GPRIN3: variants seen among roughly 807,000 people sequenced by gnomAD.
GPRIN3 encodes the protein G protein-regulated inducer of neurite outgrowth 3.
Under a neutral mutation model 13.7 loss-of-function variants are expected in GPRIN3, and 12 were observed. The observed-to-expected ratio is 0.87, with a 90% CI of 0.56 to 1.42. GPRIN3 has a LOEUF of 1.42. GPRIN3 is among the 40% of genes most tolerant of loss of function. The pLI, the probability that GPRIN3 is intolerant of heterozygous loss-of-function variation, is 0.00. For missense variants in GPRIN3, 1,009 were observed against 958.7 expected, an observed-to-expected ratio of 1.05 and a Z score of -0.69; for synonymous variants, 377 against 372.7, an observed-to-expected ratio of 1.01 and a Z score of -0.13.
In GPRIN3 at chr4:89,242,992, A is replaced by G. The variant is rs2149247733; in HGVS notation, c.*4788T>C. 6.6e-6 allele frequency: 1 copy of G among 152,230 alleles called. No homozygotes were observed. The highest frequency in any genetic ancestry group is 1.9e-4 in the East Asian group (1 of 5,174). The allele number at this position is 152,230 out of a possible 1,614,324, so 9.4% of individuals were successfully genotyped here. ...ACAGATGCACTGGATTTATTTTGAGAGAGGTTATTTTGTTGTGGCAAGTGA... is the reference window on the plus strand; with the variant it reads ...ACAGATGCACTGGATTTATTTTGAGGGAGGTTATTTTGTTGTGGCAAGTGA... On this transcript the variant is annotated 3_prime_UTR_variant, in exon 2 of 2. Transcript: ENST00000609438.
rs766718612 is a variant in GPRIN3, at chr4:89,248,174, T to C, written c.1937A>G (p.Lys646Arg). The C allele has an allele frequency of 2.5e-6, 4 of 1,614,126 alleles. No individual in the cohort carries two copies. Among genetic ancestry groups the C allele is most frequent in the Non-Finnish European group, 3.4e-6 (4 of 1,180,008 alleles). The change falls in exon 2 of 2, where the codon AAG becomes AGG. Residue 646 changes from lysine (K) to arginine (R), a missense_variant. Physicochemically the swap from Lys to Arg is conservative, Grantham distance 26 (BLOSUM62 2). Coordinates refer to ENST00000609438, the MANE Select transcript of GPRIN3 (RefSeq NM_198281.3). Reference protein sequence around the residue: ...SRVSEFLKEQKLNVTAAAAQV... With the variant: ...SRVSEFLKEQRLNVTAAAAQV... ...AGCAGCAGCTGCTGTCACATTTAAC[T>C]TTTGCTCCTTGAGGAACTCGCTGAC...
Position 89,246,498 on chromosome 4 carries a change from C to G in GPRIN3, c.*1282G>C, listed in dbSNP as rs541702910. 1.3e-3 allele frequency: 203 copies of G among 152,240 alleles called. No individual in the cohort carries two copies. Among genetic ancestry groups the G allele is most frequent in the African/African-American group, 4.7e-3 (196 of 41,522 alleles). The allele number at this position is 152,240 out of a possible 1,614,324, so 9.4% of individuals were successfully genotyped here. On this transcript the variant is annotated 3_prime_UTR_variant, in exon 2 of 2. Transcript: ENST00000609438. ...CTGGAGACACGGGAGGGCCAAGGTC[C>G]CAGGAAGTATAATCCACCCAAATCA...
intron 1 of GPRIN3, among the ~76,000 whole-genome samples, chr4:89,281,659 A>T (rs1022974030): frequency 1.3e-5 from 2 of 152,184 alleles, no homozygotes; most frequent in African/African-American, 4.8e-5. Context: ...CACTGGAAGG[A>T]ACTAACCCTG....
chr4:89,268,029 G>C (rs1385452916), intron 1 of GPRIN3, among the ~76,000 whole-genome samples: 1 of 152,204 alleles, frequency 6.6e-6, no homozygotes, highest in Non-Finnish European at 1.5e-5. Flanking sequence ...CTATTACTGG[G>C]AGACAACAAA....
At chr4:89,302,498 G>A (rs1436000256) in intron 1 of GPRIN3, among the ~76,000 whole-genome samples, 38 of 152,004 alleles carry the variant, frequency 2.5e-4, no homozygotes. Context: ...TTCAGATTAG[G>A]GTCATTTATA....
intron 1 of GPRIN3, among the ~76,000 whole-genome samples, chr4:89,261,346 C>T (rs1342937737): frequency 1.3e-5 from 2 of 152,106 alleles, no homozygotes; most frequent in African/African-American, 4.8e-5. Flanking sequence ...TCTGGGAGGA[C>T]GTAATTGTCC....
intron 1 of GPRIN3, among the ~76,000 whole-genome samples, chr4:89,258,800 G>T (rs544406388): frequency 2.0e-5 from 3 of 152,244 alleles, no homozygotes; most frequent in South Asian, 4.1e-4. Context: ...CTACGTCGGG[G>T]TAGTTTCTGA....
rs1298463883 is a variant in GPRIN3 at position 89,240,886 on chromosome 4, A to G, written c.*6894T>C. ...CTATTTACATTTTTATGTGTAGAAA[A>G]TGAAAAATATATATTGATTAGCCCT... On this transcript the variant is annotated 3_prime_UTR_variant, in exon 2 of 2. Transcript: ENST00000609438. The G allele has an allele frequency of 6.6e-6, 1 of 152,228 alleles. No homozygotes were observed. Among genetic ancestry groups the G allele is most frequent in the African/African-American group, 2.4e-5 (1 of 41,454 alleles). The allele number at this position is 152,228 out of a possible 1,614,324, so 9.4% of individuals were successfully genotyped here.
chr4:89,249,401 G>A lies in GPRIN3; in HGVS notation c.710C>T (p.Pro237Leu). The A allele has an allele frequency of 6.2e-7, 1 of 1,614,092 alleles. No individual in the cohort carries two copies. Among genetic ancestry groups the A allele is most frequent in the Non-Finnish European group, 8.5e-7 (1 of 1,180,018 alleles). Residue 237 changes from proline to leucine, a missense_variant, in exon 2 of 2, where the codon CCT (proline) becomes CTT (leucine). By Grantham distance (98) the Pro-to-Leu change is moderately conservative. Transcript: ENST00000609438. Reference protein sequence around the residue: ...ICDSEMRSCKPLTRESGCSEN... With the variant: ...ICDSEMRSCKLLTRESGCSEN... Reference sequence around the variant, plus strand: ...TGAACATCCAGATTCTCTAGTTAGAGGTTTACAGGACCTCATTTCAGAGTC... The same window carrying A: ...TGAACATCCAGATTCTCTAGTTAGAAGTTTACAGGACCTCATTTCAGAGTC...
chr4:89,261,341 G>A (rs1007283127), intron 1 of GPRIN3, among the ~76,000 whole-genome samples: 3 of 152,198 alleles, frequency 2.0e-5, no homozygotes, highest in African/African-American at 7.2e-5. Flanking sequence ...ACATTTCTGG[G>A]AGGACGTAAT....
At chr4:89,301,863 C>T (rs1724906321) in intron 1 of GPRIN3, among the ~76,000 whole-genome samples, 1 of 152,150 alleles carries the variant, frequency 6.6e-6, no homozygotes, top group Non-Finnish European at 1.5e-5. Context: ...CTGAGGTCCC[C>T]AGAGATGCCT....
chr4:89,253,095 C>T (rs62304746), intron 1 of GPRIN3, among the ~76,000 whole-genome samples: 11 of 151,092 alleles, frequency 7.3e-5, no homozygotes, highest in East Asian at 1.9e-4. Flanking sequence ...GCACTGTTTT[C>T]GCACCATTGT....
intron 1 of GPRIN3, among the ~76,000 whole-genome samples, chr4:89,271,566 A>T (rs1723951623): frequency 7.5e-6 from 1 of 133,482 alleles, no homozygotes; most frequent in Non-Finnish European, 1.5e-5. Context: ...ATGGTATTTT[A>T]AAAACTTGTA....
At chr4:89,268,929 T>C (rs529064632) in intron 1 of GPRIN3, among the ~76,000 whole-genome samples, 1 of 152,166 alleles carries the variant, frequency 6.6e-6, no homozygotes, top group African/African-American at 2.4e-5. Context: ...GCAAGAAAAA[T>C]AGTGAAGTAT....
intron 1 of GPRIN3, among the ~76,000 whole-genome samples, chr4:89,268,143 A>G (rs1280379367): frequency 1.3e-5 from 2 of 152,318 alleles, no homozygotes; most frequent in East Asian, 3.9e-4. Context: ...CAGTGAAACA[A>G]TTAGAAAACT....
At chr4:89,293,063 G>C (rs569981574) in intron 1 of GPRIN3, among the ~76,000 whole-genome samples, 4 of 152,086 alleles carry the variant, frequency 2.6e-5, no homozygotes, top group African/African-American at 7.2e-5. Context: ...TTTTTGAATG[G>C]AATTAAACCA....
At chr4:89,268,937 T>G (rs2149269566) in intron 1 of GPRIN3, among the ~76,000 whole-genome samples, 1 of 152,292 alleles carries the variant, frequency 6.6e-6, no homozygotes, top group Admixed American at 6.5e-5. Flanking sequence ...AATAGTGAAG[T>G]ATTACATAAC....
intron 1 of GPRIN3, among the ~76,000 whole-genome samples, chr4:89,264,900 C>T (rs1165501897): frequency 6.6e-6 from 1 of 152,124 alleles, no homozygotes. Flanking sequence ...TGCTGGAATG[C>T]AAGCTTCAAG....
intron 1 of GPRIN3, among the ~76,000 whole-genome samples, chr4:89,270,071 T>C (rs535439552): frequency 6.6e-6 from 1 of 152,244 alleles, no homozygotes; most frequent in East Asian, 1.9e-4. Context: ...CATTACCATG[T>C]TAAAGTTACC....
Sources: allele counts gnomAD v4.1 joint callset (sites outside exome capture counted in the v4.1 genomes callset), GRCh38; gene constraint gnomAD v4.1.1; transcripts MANE v1.5; gene names NCBI Gene and HGNC (gene_info 2026-07-23, HGNC 2026-07-21).